Variants in TEX11 observed in about 807,000 individuals in gnomAD.
TEX11 encodes the protein testis-expressed protein 11.
In TEX11, 7 loss-of-function variants were observed where a neutral mutation model predicts 84.4. That is an observed-to-expected ratio of 0.08 (90% CI 0.05 to 0.16). The LOEUF (loss-of-function observed/expected upper bound fraction) is 0.16, where lower values mean the gene tolerates loss of function less well. TEX11 is among the 10% of genes least tolerant of loss of function. The probability of loss-of-function intolerance (pLI) is 1.00; values close to 1 mark genes in which losing one functional copy is unlikely to be tolerated. For missense variants in TEX11, 551 were observed against 660.5 expected (o/e 0.83, Z 1.82); for synonymous variants, 264 against 222.8 (o/e 1.18, Z -1.64).
rs564705846 is a variant in TEX11, at chrX:70,768,737, T to C, written c.693-24518A>G. Among the ~76,000 whole-genome samples the C allele has an allele frequency of 3.6e-5, 4 of 111,438 alleles. No homozygotes were observed. In the South Asian group the frequency reaches 1.5e-3, roughly 43 times the overall value. On this transcript the variant is annotated intron_variant, in intron 9 of 29. Transcript: ENST00000374333. ...GACATGTGGGGATTACAATTCGAGATGAGAGTTGGGTGGAGACACAGAGCC... is the reference window on the plus strand; with the variant it reads ...GACATGTGGGGATTACAATTCGAGACGAGAGTTGGGTGGAGACACAGAGCC...
At chrX:70,565,331 A>C (rs2088449357) in intron 25 of TEX11, among the ~76,000 whole-genome samples, 1 of 107,183 alleles carries the variant, frequency 9.3e-6, no homozygotes, top group South Asian at 4.2e-4. Context: ...AGGTTGTGAA[A>C]ATTTTCTCCC....
At chrX:70,652,157 C>A (rs939456499) in intron 16 of TEX11, among the ~76,000 whole-genome samples, 1 of 111,242 alleles carries the variant, frequency 9.0e-6, no homozygotes, top group African/African-American at 3.3e-5. Context: ...AGGTGTAATA[C>A]TAGGAGACTC....
intron 8 of TEX11, among the ~76,000 whole-genome samples, chrX:70,816,590 T>G (rs1218326191): frequency 9.1e-6 from 1 of 110,021 alleles, no homozygotes; most frequent in Non-Finnish European, 1.9e-5. Flanking sequence ...GTCATGTCTG[T>G]AATCCCAGCT....
intron 28 of TEX11, among the ~76,000 whole-genome samples, chrX:70,547,509 A>C: frequency 9.0e-6 from 1 of 111,620 alleles, no homozygotes; most frequent in African/African-American, 3.3e-5. Context: ...AAATTTTTGC[A>C]ACCTACTCAT....
At position 70,884,077 on chromosome X, in the gene TEX11, TA is replaced by T. The variant is rs767635038; in HGVS notation, c.38-3969del. On this transcript the variant is annotated intron_variant, in intron 2 of 29. Transcript: ENST00000374333. ...AAAGAACCAGAAATGACAATAAAAT[TA>T]ACATTTGCATATTGCTTTCCAGTCT... is the stretch of plus-strand genomic sequence containing the variant. Among the ~76,000 whole-genome samples the T allele has an allele frequency of 4.3e-4, 48 of 112,414 alleles. 1 individual carries two copies. In the East Asian group the frequency reaches 5.9e-3, roughly 14 times the overall value.
At chrX:70,515,505 TAATC>T in the TEX11 span, among the ~76,000 whole-genome samples, 1 of 112,475 alleles carries the variant, frequency 8.9e-6, no homozygotes, top group Non-Finnish European at 1.9e-5. Flanking sequence ...CACATTTTCT[TAATC>T]CAGTCTATCA....
intron 13 of TEX11, among the ~76,000 whole-genome samples, chrX:70,694,140 G>C (rs1427717401): frequency 9.0e-6 from 1 of 111,068 alleles, no homozygotes; most frequent in Admixed American, 9.6e-5. Context: ...CACCTCCCGG[G>C]TTCAAGTGAT....
intron 9 of TEX11, among the ~76,000 whole-genome samples, chrX:70,772,549 T>C (rs2090977778): frequency 9.0e-6 from 1 of 111,340 alleles, no homozygotes; most frequent in Non-Finnish European, 1.9e-5. Flanking sequence ...CACTGCAGCC[T>C]GGTGACAGAG....
intron 13 of TEX11, among the ~76,000 whole-genome samples, chrX:70,720,371 G>C (rs1176876997): frequency 1.8e-5 from 2 of 110,675 alleles, no homozygotes; most frequent in Non-Finnish European, 3.8e-5. Flanking sequence ...GCCTTTCATG[G>C]GGTGGGAGAA....
chrX:70,760,337 G>A (rs1007255992), intron 9 of TEX11, among the ~76,000 whole-genome samples: 7 of 111,683 alleles, frequency 6.3e-5, no homozygotes, highest in African/African-American at 2.3e-4. Flanking sequence ...CAAAGCTGCA[G>A]GCATCATGCT....
intron 8 of TEX11, among the ~76,000 whole-genome samples, chrX:70,823,729 G>A (rs939112922): frequency 8.1e-5 from 9 of 110,899 alleles, no homozygotes; most frequent in East Asian, 2.8e-4. Flanking sequence ...GTTTTAGACC[G>A]GGTGCAGTGG....
intron 17 of TEX11, among the ~76,000 whole-genome samples, chrX:70,639,102 G>C (rs981514107): frequency 8.9e-6 from 1 of 111,745 alleles, no homozygotes; most frequent in South Asian, 3.7e-4. Context: ...CTCACTCGGC[G>C]GGGGGAAGCG....
At chrX:70,679,533 G>C (rs1200310267) in intron 14 of TEX11, among the ~76,000 whole-genome samples, 1 of 111,589 alleles carries the variant, frequency 9.0e-6, no homozygotes, top group Non-Finnish European at 1.9e-5. Context: ...TGGGAAGTGA[G>C]GAGCGTCTCT....
chrX:70,626,350 A>C (rs2089451278), intron 18 of TEX11, among the ~76,000 whole-genome samples: 1 of 109,751 alleles, frequency 9.1e-6, no homozygotes, highest in Non-Finnish European at 1.9e-5. Context: ...TTTGTGCCCT[A>C]GGTGTCTCCC....
intron 13 of TEX11, among the ~76,000 whole-genome samples, chrX:70,708,517 A>T (rs1253626869): frequency 2.7e-5 from 3 of 111,870 alleles, no homozygotes; most frequent in African/African-American, 9.7e-5. Context: ...TCACTGTGCT[A>T]TTCACAATAG....
At chrX:70,563,687 G>A (rs2088409161) in intron 25 of TEX11, among the ~76,000 whole-genome samples, 1 of 112,420 alleles carries the variant, frequency 8.9e-6, no homozygotes, top group Non-Finnish European at 1.9e-5. Flanking sequence ...TCAGATTGAG[G>A]AAGTGACTTT....
At chrX:70,864,756 A>G (rs927762015) in intron 4 of TEX11, among the ~76,000 whole-genome samples, 16 of 107,363 alleles carry the variant, frequency 1.5e-4, no homozygotes, top group African/African-American at 2.7e-4. Flanking sequence ...AAAAAAAAAA[A>G]AAAGAAAAGA....
intron 9 of TEX11, among the ~76,000 whole-genome samples, chrX:70,784,397 G>C (rs2091063480): frequency 9.0e-6 from 1 of 111,627 alleles, no homozygotes; most frequent in South Asian, 3.8e-4. Context: ...ACAACTGAAA[G>C]CATTTCCTTT....
intron 11 of TEX11, among the ~76,000 whole-genome samples, chrX:70,737,581 AAAG>A (rs1430871679): frequency 9.0e-6 from 1 of 111,180 alleles, no homozygotes; most frequent in Admixed American, 9.7e-5. Context: ...CTTATTCAGA[AAAG>A]AAGACACGCT....
Sources: allele counts gnomAD v4.1 joint callset (sites outside exome capture counted in the v4.1 genomes callset), GRCh38; gene constraint gnomAD v4.1.1; transcripts MANE v1.5; gene names NCBI Gene and HGNC (gene_info 2026-07-23, HGNC 2026-07-21).